Variants in CPT1C observed in about 807,000 individuals in gnomAD.
CPT1C encodes the protein palmitoyl thioesterase CPT1C.
In CPT1C, 61 loss-of-function variants were observed where a neutral mutation model predicts 97.3. The ratio of observed to expected loss-of-function variants is 0.63; its 90% confidence interval spans 0.51 to 0.78. CPT1C has a LOEUF of 0.78. Ranked by LOEUF, CPT1C falls within the 30% of genes least tolerant of loss-of-function variation. The pLI is 0.00. For missense variants in CPT1C, 975 were observed against 1,065.5 expected (o/e 0.92, Z 1.18); for synonymous variants, 469 against 447.2 (o/e 1.05, Z -0.61).
chr19:49,697,596 G>C, intron 4 of CPT1C, 131 bp downstream of exon 4: 2 of 1,113,318 alleles, frequency 1.8e-6, no homozygotes, highest in South Asian at 1.6e-5. Context: ...GATTAATAAA[G>C]GCATGGCATG....
In CPT1C at chr19:49,697,247, G is replaced by C. The variant is rs1344131716; in HGVS notation, c.142-79G>C. 5 of 1,587,114 alleles carry C rather than the reference G, an allele frequency of 3.2e-6. No individual in the cohort carries two copies. In the African/African-American group the frequency reaches 6.7e-5, roughly 21 times the overall value. ...CTCAGGGCTCCGCACTGGGTGCTCA[G>C]TAATGTCTGGGGATGGCACAGAACA... On this transcript the variant is annotated intron_variant, in intron 3 of 19. Transcript: ENST00000598293.
chr19:49,692,409 G>C lies in CPT1C; in HGVS notation c.141+16G>C, dbSNP rs370066575. The C allele has an allele frequency of 6.2e-7, 1 of 1,613,550 alleles. No homozygotes were observed. Among genetic ancestry groups the C allele is most frequent in the African/African-American group, 1.3e-5 (1 of 75,038 alleles). On this transcript the variant is annotated intron_variant, in intron 3 of 19. Coordinates refer to ENST00000598293, the MANE Select transcript of CPT1C (RefSeq NM_001199753.2). ...ACGTTTCTGGGTGAGGAGCGGTGCTGGTCGGTTTCCTTCCGGGGATCCAGG... is the reference window on the plus strand; with the variant it reads ...ACGTTTCTGGGTGAGGAGCGGTGCTCGTCGGTTTCCTTCCGGGGATCCAGG...
rs891245837 is a variant in CPT1C, at chr19:49,691,448, TCA to T, written c.-84+111_-84+112del. On this transcript the variant is annotated intron_variant, in intron 1 of 19. Transcript: ENST00000598293. ...ACTTGTCCTCGACGCTCGCCTCCGC[TCA>T]CAGCCTCAGCATCCCAGGCTGCGAG... The T allele has an allele frequency of 5.9e-5, 9 of 151,992 alleles. 1 individual carries two copies. Among genetic ancestry groups the T allele is most frequent in the African/African-American group, 1.9e-4 (8 of 41,436 alleles). 9.4% of individuals were successfully genotyped at this position (151,992 alleles called of 1,614,324 possible). A position where few individuals can be genotyped will look rare whatever the true frequency, so the allele number is the denominator to read the frequency against.
At chr19:49,693,745 G>A (rs2082482384) in intron 3 of CPT1C, among the ~76,000 whole-genome samples, 1 of 151,886 alleles carries the variant, frequency 6.6e-6, no homozygotes, top group East Asian at 1.9e-4. Flanking sequence ...ACAACATAGG[G>A]AGACCCCATC....
In CPT1C at chr19:49,705,002, C is replaced by T; in HGVS notation, c.772-5C>T. On this transcript the variant is annotated splice_region_variant and splice_polypyrimidine_tract_variant and intron_variant, in intron 8 of 19. Coordinates refer to ENST00000598293, the MANE Select transcript of CPT1C (RefSeq NM_001199753.2). ...TGTTTTGCCATCCCCTCTCCTGGTC[C>T]CCAGGACTTCCTGTATGTCACACCC... The T allele has an allele frequency of 6.3e-7, 1 of 1,586,082 alleles. No individual in the cohort carries two copies. The highest frequency in any genetic ancestry group is 8.6e-7 in the Non-Finnish European group (1 of 1,161,840).
chr19:49,698,703 A>T (rs1369789535), intron 4 of CPT1C, among the ~76,000 whole-genome samples: 1 of 151,662 alleles, frequency 6.6e-6, no homozygotes, highest in African/African-American at 2.4e-5. Flanking sequence ...GTCTCTAGTC[A>T]TGTAGTCTTA....
intron 5 of CPT1C, 38 bp downstream of exon 5, chr19:49,700,893 G>A (rs1331397661): frequency 3.2e-6 from 5 of 1,584,074 alleles, no homozygotes; most frequent in East Asian, 2.2e-5. Context: ...GCTCTCCTGG[G>A]ACCCGCTTAT....
chr19:49,704,956 G>T, intron 8 of CPT1C, 51 bp from the exon 9 acceptor site: 1 of 1,505,950 alleles, frequency 6.6e-7, no homozygotes, highest in South Asian at 1.2e-5. Flanking sequence ...TGGCTCCATC[G>T]GGGGCAAACC....
Position 49,692,386 on chromosome 19 carries a change from G to T in CPT1C, c.134G>T (p.Arg45Leu). Residue 45 changes from arginine to leucine, a missense_variant, in exon 3 of 20, where the codon CGT (arginine) becomes CTT (leucine). Around this residue, in one of 3 missense-constraint regions of CPT1C, gnomAD observed 596 missense variants for 603.1 expected, o/e 0.99. Coordinates refer to ENST00000598293, the MANE Select transcript of CPT1C (RefSeq NM_001199753.2). ...GLRSWKRHLS[R>L]FWNDFLTGVF... Reference sequence around the variant, plus strand: ...CGCTCCTGGAAAAGGCATCTCTCACGTTTCTGGGTGAGGAGCGGTGCTGGT... The same window carrying T: ...CGCTCCTGGAAAAGGCATCTCTCACTTTTCTGGGTGAGGAGCGGTGCTGGT... 2 of 1,614,126 alleles carry T rather than the reference G, an allele frequency of 1.2e-6. No individual in the cohort carries two copies. The highest frequency in any genetic ancestry group is 1.7e-6 in the Non-Finnish European group (2 of 1,180,016).
At chr19:49,707,681 C>T (rs1298682502) in intron 13 of CPT1C, 58 bp downstream of exon 13, 1 of 1,157,502 alleles carries the variant, frequency 8.6e-7, no homozygotes, top group South Asian at 1.3e-5. Context: ...CAAAGACCGT[C>T]CTCTCCAGCG....
chr19:49,709,514 C>A (rs935905012), intron 14 of CPT1C, among the ~76,000 whole-genome samples: 2 of 151,922 alleles, frequency 1.3e-5, no homozygotes, highest in Non-Finnish European at 2.9e-5. Context: ...TGTGGCCCAA[C>A]CCCAATCTTG....
chr19:49,705,281 T>C lies in CPT1C; in HGVS notation c.947T>C (p.Ile316Thr), dbSNP rs1325972512. The C allele has an allele frequency of 6.2e-7, 1 of 1,600,530 alleles. No individual in the cohort carries two copies. The highest frequency in any genetic ancestry group is 8.5e-7 in the Non-Finnish European group (1 of 1,169,670). Reference protein sequence around the residue: ...QYEKIFNTTRIPGVQKDYIRH... With the variant: ...QYEKIFNTTRTPGVQKDYIRH... ...GAGAAGATCTTCAACACCACGCGGA[T>C]TCCAGGGGTCCAAAAAGGTGAGACC... is the stretch of plus-strand genomic sequence containing the variant. The change falls in exon 10 of 20, where the codon ATT becomes ACT. Residue 316 changes from isoleucine (I) to threonine (T), a missense_variant. Transcript: ENST00000598293.
chr19:49,706,176 TG>T lies in CPT1C; in HGVS notation c.1161-51del. The T allele has an allele frequency of 6.5e-7, 1 of 1,548,350 alleles. No homozygotes were observed. The highest frequency in any genetic ancestry group is 8.7e-7 in the Non-Finnish European group (1 of 1,147,458). On this transcript the variant is annotated intron_variant, in intron 11 of 19. Transcript: ENST00000598293. The surrounding 1 kb of genome is among the most constrained non-coding windows in gnomAD (Gnocchi z 4.8). Reference sequence around the variant, plus strand: ...GTCCTGAGACTGTGGAAGGGCAGGGTGGGGCCAGGTGGCGGCTGGGCAGGAT... The same window carrying T: ...GTCCTGAGACTGTGGAAGGGCAGGGTGGGCCAGGTGGCGGCTGGGCAGGAT...
intron 17 of CPT1C, 71 bp from the exon 18 acceptor site, chr19:49,712,665 G>A: frequency 2.7e-6 from 3 of 1,128,060 alleles, no homozygotes; most frequent in African/African-American, 1.5e-5. Context: ...AGGGATGCAG[G>A]GAGTGAAGTG....
chr19:49,712,676 G>C, intron 17 of CPT1C, 60 bp from the exon 18 acceptor site: 1 of 1,279,446 alleles, frequency 7.8e-7, no homozygotes, highest in Non-Finnish European at 1.1e-6. Flanking sequence ...GAGTGAAGTG[G>C]AGCCAAGGGC....
At chr19:49,709,117 CACT>C (rs2083687777) in intron 14 of CPT1C, among the ~76,000 whole-genome samples, 1 of 151,422 alleles carries the variant, frequency 6.6e-6, no homozygotes, top group Non-Finnish European at 1.5e-5. Context: ...CAAAAACCAC[CACT>C]GTCCAACCCC....
At chr19:49,712,647 A>AAAAAGCCAGGGATGC (rs2083976689) in intron 17 of CPT1C, 89 bp from the exon 18 acceptor site, 1 of 997,892 alleles carries the variant, frequency 1.0e-6, no homozygotes, top group Non-Finnish European at 1.6e-6. Context: ...ACGGGTAAAA[A>AAAAAGCCAGGGATGC]AAAAGCCAGG....
rs997285048 is a variant in CPT1C at position 49,707,798 on chromosome 19, C to T, written c.1449+175C>T. Among the ~76,000 whole-genome samples, 18 of 151,246 alleles carry T rather than the reference C, an allele frequency of 1.2e-4. 1 individual carries two copies. Among genetic ancestry groups the T allele is most frequent in the African/African-American group, 4.1e-4 (17 of 41,222 alleles). On this transcript the variant is annotated intron_variant, in intron 13 of 19. Transcript: ENST00000598293. ...TGGGCGGATCATGAGGTCAGGAGTTCGAGACCAGCCTGGCCAACATAGTGA... is the reference window on the plus strand; with the variant it reads ...TGGGCGGATCATGAGGTCAGGAGTTTGAGACCAGCCTGGCCAACATAGTGA...
At chr19:49,705,768 A>G in intron 10 of CPT1C, 141 bp from the exon 11 acceptor site, 1 of 762,394 alleles carries the variant, frequency 1.3e-6, no homozygotes, top group East Asian at 2.7e-5. Context: ...CCAAATACTA[A>G]GTAAATAAAA....
Sources: allele counts gnomAD v4.1 joint callset (sites outside exome capture counted in the v4.1 genomes callset), GRCh38; gene constraint gnomAD v4.1.1; regional missense constraint gnomAD v4.1.1; non-coding constraint Gnocchi (gnomAD v3.1); transcripts MANE v1.5; gene names NCBI Gene and HGNC (gene_info 2026-07-23, HGNC 2026-07-21).